Variants in CA10 observed in about 807,000 individuals in gnomAD.
CA10 encodes the protein carbonic anhydrase 10 (inactive).
In CA10, 14 loss-of-function variants were observed where a neutral mutation model predicts 44.2. The ratio of observed to expected loss-of-function variants is 0.32; its 90% confidence interval spans 0.21 to 0.50. The LOEUF is 0.50. CA10 is among the 20% of genes least tolerant of loss of function. The pLI, the probability that CA10 is intolerant of heterozygous loss-of-function variation, is 0.99. For synonymous variants in CA10, 159 were observed against 141.6 expected (o/e 1.12, Z -0.87); for missense variants, 350 against 409.7 (o/e 0.85, Z 1.26).
At chr17:51,809,251 T>A (rs1368025065) in intron 3 of CA10, among the ~76,000 whole-genome samples, 2 of 152,244 alleles carry the variant, frequency 1.3e-5, no homozygotes, top group African/African-American at 4.8e-5. Context: ...GTAGATGTGA[T>A]CATTCCCATT....
intron 2 of CA10, among the ~76,000 whole-genome samples, chr17:51,936,642 A>AGAGGAAGTCAGTCGACTGGAGCC (rs1555612498): frequency 6.6e-6 from 1 of 152,064 alleles, no homozygotes; most frequent in Non-Finnish European, 1.5e-5. Flanking sequence ...CCAGGAACAG[A>AGAGGAAGTCAGTCGACTGGAGCC]TGGCTCAGTG....
intron 2 of CA10, among the ~76,000 whole-genome samples, chr17:52,069,107 C>T (rs999342017): frequency 9.9e-5 from 15 of 152,192 alleles, no homozygotes; most frequent in Admixed American, 8.5e-4. Flanking sequence ...ATAAGGCCCA[C>T]ACATATTATA....
chr17:51,745,772 T>G (rs771319394), intron 4 of CA10, among the ~76,000 whole-genome samples: 24 of 152,198 alleles, frequency 1.6e-4, no homozygotes, highest in Non-Finnish European at 3.1e-4. Flanking sequence ...TAACAAATAT[T>G]TCTACTCTGA....
At chr17:51,937,843 C>T (rs1043354231) in intron 2 of CA10, among the ~76,000 whole-genome samples, 3 of 152,084 alleles carry the variant, frequency 2.0e-5, no homozygotes, top group African/African-American at 7.2e-5. Flanking sequence ...CTAAGGTAAG[C>T]CTTACTCATA....
intron 2 of CA10, among the ~76,000 whole-genome samples, chr17:52,007,965 A>G (rs1985658241): frequency 6.6e-6 from 1 of 151,600 alleles, no homozygotes; most frequent in Admixed American, 6.6e-5. Context: ...AATATTTTAA[A>G]TATTTGGTGT....
At chr17:51,904,503 A>G (rs139814106) in intron 3 of CA10, among the ~76,000 whole-genome samples, 98 of 152,206 alleles carry the variant, frequency 6.4e-4, no homozygotes, top group African/African-American at 2.1e-3. Flanking sequence ...TCCTTTATCC[A>G]TGAAGAAGGC....
intron 2 of CA10, among the ~76,000 whole-genome samples, chr17:52,037,604 T>G (rs531905989): frequency 5.9e-5 from 9 of 152,102 alleles, no homozygotes; most frequent in Non-Finnish European, 1.2e-4. Context: ...CCTAAAAACC[T>G]CAAGAATAAA....
intron 3 of CA10, among the ~76,000 whole-genome samples, chr17:51,891,894 C>T (rs1163348454): frequency 6.6e-6 from 1 of 152,220 alleles, no homozygotes. Flanking sequence ...CTGTCACCTA[C>T]ATCTCACCGG....
intron 2 of CA10, among the ~76,000 whole-genome samples, chr17:51,934,195 T>C (rs1213259950): frequency 6.6e-6 from 1 of 152,088 alleles, no homozygotes; most frequent in East Asian, 1.9e-4. Flanking sequence ...TTTTCAGAAA[T>C]AGAAGCCACC....
At chr17:52,062,913 C>CTATATAAT (rs2143099859) in intron 2 of CA10, among the ~76,000 whole-genome samples, 1 of 152,338 alleles carries the variant, frequency 6.6e-6, no homozygotes, top group African/African-American at 2.4e-5. Context: ...TAGCCACTGG[C>CTATATAAT]AATGAGCCAC....
Position 51,805,952 on chromosome 17 carries a change from G to A in CA10, c.280-58134C>T, listed in dbSNP as rs551473951. On this transcript the variant is annotated intron_variant, in intron 3 of 8. Transcript: ENST00000451037. ...AACAAACCAGCTGTGCAAACAGTGT[G>A]TAGAAGAGCCCTCTGGCAGAGGGCA... is the stretch of plus-strand genomic sequence containing the variant. Among the ~76,000 whole-genome samples the A allele has an allele frequency of 4.6e-5, 7 of 152,352 alleles. No individual in the cohort carries two copies. In the East Asian group the frequency reaches 1.4e-3, roughly 29 times the overall value.
intron 4 of CA10, among the ~76,000 whole-genome samples, chr17:51,698,365 C>A (rs554137718): frequency 4.6e-5 from 7 of 152,194 alleles, no homozygotes; most frequent in Admixed American, 2.0e-4. Flanking sequence ...CAGTATCTGA[C>A]AAAGAGATGC....
At chr17:51,906,393 A>G (rs938114744) in intron 3 of CA10, among the ~76,000 whole-genome samples, 4 of 151,968 alleles carry the variant, frequency 2.6e-5, no homozygotes, top group African/African-American at 9.7e-5. Context: ...TTTGGCTTTT[A>G]TGGCACCACA....
chr17:51,901,596 G>A (rs1161382178), intron 3 of CA10, among the ~76,000 whole-genome samples: 1 of 152,118 alleles, frequency 6.6e-6, no homozygotes, highest in Non-Finnish European at 1.5e-5. Context: ...GGCAGTGGTG[G>A]TGGTGTGGCA....
intron 2 of CA10, among the ~76,000 whole-genome samples, chr17:51,950,880 G>C (rs1047900423): frequency 6.6e-6 from 1 of 152,096 alleles, no homozygotes; most frequent in Non-Finnish European, 1.5e-5. Flanking sequence ...TTCACCTGTT[G>C]TTGTTTTCTG....
At chr17:51,998,381 C>T (rs1985308764) in intron 2 of CA10, among the ~76,000 whole-genome samples, 1 of 152,016 alleles carries the variant, frequency 6.6e-6, no homozygotes, top group Non-Finnish European at 1.5e-5. Flanking sequence ...TATTTGCCCT[C>T]CTGCAGTTCT....
rs560073611 is a variant in CA10, at chr17:52,020,827, C to G, written c.136+51492G>C. 7.9e-5 allele frequency among the ~76,000 whole-genome samples: 12 copies of G among 152,084 alleles called. No homozygotes were observed. The East Asian group carries it at 2.3e-3, about 29-fold the overall frequency. ...CATCCTTCTTTACCCCCTCCAGTGT[C>G]CCTAGTTCTATTGTTGCCATCTTTA... On this transcript the variant is annotated intron_variant, in intron 2 of 8. Transcript: ENST00000451037.
intron 3 of CA10, among the ~76,000 whole-genome samples, chr17:51,920,898 A>T (rs993339366): frequency 1.1e-4 from 17 of 152,222 alleles, no homozygotes; most frequent in Non-Finnish European, 1.3e-4. Context: ...ATCTCATTTT[A>T]AAATCTGTAA....
intron 3 of CA10, among the ~76,000 whole-genome samples, chr17:51,883,475 C>T (rs1980466302): frequency 6.6e-6 from 1 of 152,106 alleles, no homozygotes; most frequent in South Asian, 2.1e-4. Context: ...CTAATGATCC[C>T]CCATCCCACT....
Sources: allele counts gnomAD v4.1 joint callset (sites outside exome capture counted in the v4.1 genomes callset), GRCh38; gene constraint gnomAD v4.1.1; transcripts MANE v1.5; gene names NCBI Gene and HGNC (gene_info 2026-07-23, HGNC 2026-07-21).